ARHGEF7: variants seen among roughly 807,000 people sequenced by gnomAD.
The protein encoded by ARHGEF7 is Rho guanine nucleotide exchange factor 7.
ARHGEF7 carries 33 observed loss-of-function variants against 109.8 expected under a neutral mutation model. That is an observed-to-expected ratio of 0.30 (90% CI 0.23 to 0.40). The LOEUF (loss-of-function observed/expected upper bound fraction) is 0.40. ARHGEF7 is among the 10% of genes least tolerant of loss of function. ARHGEF7 has a pLI of 1.00. For synonymous variants in ARHGEF7, 458 were observed against 424.6 expected (o/e 1.08, Z -0.97); for missense variants, 938 against 1,098.5 (o/e 0.85, Z 2.07).
chr13:111,184,305 G>C lies in ARHGEF7; in HGVS notation c.253-20984G>C, dbSNP rs569577653. On this transcript the variant is annotated intron_variant, in intron 2 of 21. Coordinates refer to ENST00000646102, the MANE Select transcript of ARHGEF7 (RefSeq NM_001354046.2). ...TTTCTTTATAAATTACCCAGCCTTG[G>C]GTATTTCTTCATAGCAGCGTGAGAA... Among the ~76,000 whole-genome samples, 7 of 152,194 alleles carry C rather than the reference G, an allele frequency of 4.6e-5. No individual in the cohort carries two copies. In the South Asian group the frequency reaches 1.5e-3, roughly 32 times the overall value.
intron 13 of ARHGEF7, among the ~76,000 whole-genome samples, chr13:111,278,147 A>T (rs865897927): frequency 1.4e-4 from 21 of 152,266 alleles, no homozygotes; most frequent in Middle Eastern, 6.8e-3. Context: ...GAACCTTTTT[A>T]ATTTTTGTTT....
At chr13:111,170,112 T>C (rs1262678547) in intron 2 of ARHGEF7, among the ~76,000 whole-genome samples, 1 of 152,226 alleles carries the variant, frequency 6.6e-6, no homozygotes, top group Non-Finnish European at 1.5e-5. Flanking sequence ...CTCTTCTTTT[T>C]TTGTAGACAG....
chr13:111,304,629 T>C lies in ARHGEF7; in HGVS notation c.*1516T>C, dbSNP rs1191448243. 3 of 152,256 alleles carry C rather than the reference T, an allele frequency of 2.0e-5. No individual in the cohort carries two copies. The highest frequency in any genetic ancestry group is 7.2e-5 in the African/African-American group (3 of 41,448). The allele number at this position is 152,256 out of a possible 1,614,324, so 9.4% of individuals were successfully genotyped here. ...TGAGCTGGGCACCTTGGGAGAGTGT[T>C]GTGTTGCTGTTTACGGTTCTTCCTT... On this transcript the variant is annotated 3_prime_UTR_variant, in exon 22 of 22. Coordinates refer to ENST00000646102, the MANE Select transcript of ARHGEF7 (RefSeq NM_001354046.2).
chr13:111,163,008 C>A (rs2076861613), intron 2 of ARHGEF7, among the ~76,000 whole-genome samples: 1 of 152,190 alleles, frequency 6.6e-6, no homozygotes, highest in Admixed American at 6.5e-5. Context: ...GGTTTATAAG[C>A]ACCAAAGATA....
intron 2 of ARHGEF7, chr13:111,182,667 C>T (rs1663154658): frequency 6.6e-6 from 1 of 152,304 alleles, no homozygotes; most frequent in Non-Finnish European, 1.5e-5. Context: ...CCGCTCTCAG[C>T]TCTGCCCCCG....
At chr13:111,246,961 A>C (rs2088959552) in intron 8 of ARHGEF7, among the ~76,000 whole-genome samples, 1 of 152,246 alleles carries the variant, frequency 6.6e-6, no homozygotes, top group South Asian at 2.1e-4. Context: ...TAATCGCTTG[A>C]AGCCATGTGT....
intron 2 of ARHGEF7, among the ~76,000 whole-genome samples, chr13:111,158,093 CAA>C (rs2076477514): frequency 1.3e-5 from 2 of 152,086 alleles, no homozygotes; most frequent in Admixed American, 6.5e-5. Context: ...ATATTAGCAA[CAA>C]AATTATTATA....
At chr13:111,176,483 T>C (rs2078172920) in intron 2 of ARHGEF7, among the ~76,000 whole-genome samples, 2 of 152,314 alleles carry the variant, frequency 1.3e-5, no homozygotes, top group South Asian at 4.1e-4. Context: ...CCCCAGTTTC[T>C]TCCTAGGTCC....
Position 111,115,535 on chromosome 13 carries a change from C to T in ARHGEF7, c.9C>T (p.Ser3=). 1 of 1,380,316 alleles carries T rather than the reference C, an allele frequency of 7.2e-7. No homozygotes were observed. The allele number at this position is 1,380,316 out of a possible 1,614,324, so 85.5% of individuals were successfully genotyped here. The change falls in exon 1 of 22, where the codon TCC becomes TCT. Residue 3 remains serine (S), a synonymous_variant. Transcript: ENST00000646102. ...CCTCCCGGGCCGCAGCGATGAATTC[C>T]GCCGAGCAAACCGTTACGTGGCTCA... MN[S]AEQTVTWLIT... is the part of the protein sequence containing the mutation.
intron 9 of ARHGEF7, among the ~76,000 whole-genome samples, chr13:111,269,480 G>T (rs1261023241): frequency 6.6e-6 from 1 of 152,200 alleles, no homozygotes; most frequent in Non-Finnish European, 1.5e-5. Context: ...ACCTTAATGA[G>T]TGTGTTTGTC....
At chr13:111,153,566 G>A (rs1471924271) in intron 1 of ARHGEF7, 1 of 1,023,212 alleles carries the variant, frequency 9.8e-7, no homozygotes, top group Non-Finnish European at 1.2e-6. Flanking sequence ...AAGCAGGGTG[G>A]GCTGCGTCCG....
chr13:111,197,864 A>G (rs2080725543), intron 2 of ARHGEF7, among the ~76,000 whole-genome samples: 1 of 152,040 alleles, frequency 6.6e-6, no homozygotes, highest in Non-Finnish European at 1.5e-5. Context: ...TAGAAGCAGG[A>G]CTAGCCTCAG....
Position 111,132,619 on chromosome 13 carries a change from C to T in ARHGEF7, c.165+16928C>T, listed in dbSNP as rs150074853. On this transcript the variant is annotated intron_variant, in intron 1 of 21. Coordinates refer to ENST00000646102, the MANE Select transcript of ARHGEF7 (RefSeq NM_001354046.2). ...TTTTTCTTTCCCTTTAGAAAACGCTCACAGTGTATTACATATCATGCTAAA... is the reference window on the plus strand; with the variant it reads ...TTTTTCTTTCCCTTTAGAAAACGCTTACAGTGTATTACATATCATGCTAAA... Among the ~76,000 whole-genome samples the T allele has an allele frequency of 4.3e-3, 649 of 152,256 alleles. 4 individuals carry two copies. Among genetic ancestry groups the T allele is most frequent in the Non-Finnish European group, 5.5e-3 (375 of 68,020 alleles).
intron 2 of ARHGEF7, among the ~76,000 whole-genome samples, chr13:111,204,376 C>T (rs1206583118): frequency 6.6e-6 from 1 of 152,210 alleles, no homozygotes; most frequent in African/African-American, 2.4e-5. Context: ...ATTGGCACCT[C>T]TGAAAGAATT....
chr13:111,198,405 G>T (rs931806232), intron 2 of ARHGEF7, among the ~76,000 whole-genome samples: 3 of 152,194 alleles, frequency 2.0e-5, no homozygotes, highest in Non-Finnish European at 4.4e-5. Context: ...GACACTCGCG[G>T]TGAGTGTTAC....
chr13:111,223,276 T>C (rs1287402113), intron 5 of ARHGEF7, among the ~76,000 whole-genome samples: 1 of 152,242 alleles, frequency 6.6e-6, no homozygotes, highest in Non-Finnish European at 1.5e-5. Flanking sequence ...GATTTATAGT[T>C]AATTAGTGCT....
intron 19 of ARHGEF7, among the ~76,000 whole-genome samples, chr13:111,300,087 A>G (rs186072041): frequency 2.1e-4 from 32 of 152,228 alleles, no homozygotes; most frequent in African/African-American, 7.7e-4. Context: ...CTAATTTCTA[A>G]AGTACATATT....
chr13:111,300,937 G>A, intron 20 of ARHGEF7, 90 bp downstream of exon 20: 1 of 708,634 alleles, frequency 1.4e-6, no homozygotes, highest in Non-Finnish European at 2.3e-6. Flanking sequence ...CGGGGGTATG[G>A]CTTCAGAAGC....
At chr13:111,194,468 G>A (rs998978041) in intron 2 of ARHGEF7, among the ~76,000 whole-genome samples, 3 of 152,176 alleles carry the variant, frequency 2.0e-5, no homozygotes, top group Admixed American at 2.0e-4. Flanking sequence ...ATGTCTTAGG[G>A]TGAGGATAAG....
Sources: allele counts gnomAD v4.1 joint callset (sites outside exome capture counted in the v4.1 genomes callset), GRCh38; gene constraint gnomAD v4.1.1; transcripts MANE v1.5; gene names NCBI Gene and HGNC (gene_info 2026-07-23, HGNC 2026-07-21).